TFDP2: variants seen among roughly 807,000 people sequenced by gnomAD.
TFDP2 encodes transcription factor Dp-2 (E2F dimerization partner 2).
TFDP2 carries 17 observed loss-of-function variants against 59.3 expected under a neutral mutation model. The observed-to-expected ratio is 0.29, with a 90% CI of 0.20 to 0.43. The LOEUF (loss-of-function observed/expected upper bound fraction) is 0.43, where lower values mean the gene tolerates loss of function less well. TFDP2 is among the 20% of genes least tolerant of loss of function. The pLI is 1.00. For synonymous variants in TFDP2, 180 were observed against 194.7 expected, an observed-to-expected ratio of 0.92 and a Z score of 0.63; for missense variants, 391 against 528.8, an observed-to-expected ratio of 0.74 and a Z score of 2.56.
At position 142,149,420 on chromosome 3, in the gene TFDP2, C is replaced by T; in HGVS notation, c.-330G>A. 2.6e-6 allele frequency: 1 copy of T among 384,042 alleles called. No homozygotes were observed. Among genetic ancestry groups the T allele is most frequent in the Non-Finnish European group, 4.6e-6 (1 of 217,078 alleles). 23.8% of individuals were successfully genotyped at this position (384,042 alleles called of 1,614,324 possible). A position where few individuals can be genotyped will look rare whatever the true frequency, so the allele number is the denominator to read the frequency against. ...AAAGATGAAGGGTCAGGGCGCGCCCCGCGGGCCGGGCAGCTGCGGCAGCGC... is the reference window on the plus strand; with the variant it reads ...AAAGATGAAGGGTCAGGGCGCGCCCTGCGGGCCGGGCAGCTGCGGCAGCGC... On this transcript the variant is annotated 5_prime_UTR_variant, in exon 1 of 13. Transcript: ENST00000489671.
rs1215518361 is a variant in TFDP2 at position 142,042,898 on chromosome 3, C to T, written c.83-37354G>A. On this transcript the variant is annotated intron_variant, in intron 3 of 12. Transcript: ENST00000489671. ...CGGATTACAAGCATGGGCCACCATGCCCGACTAATTTTTTTGTATTTTTAG... is the reference window on the plus strand; with the variant it reads ...CGGATTACAAGCATGGGCCACCATGTCCGACTAATTTTTTTGTATTTTTAG... 3.3e-5 allele frequency among the ~76,000 whole-genome samples: 5 copies of T among 150,928 alleles called. No homozygotes were observed. In the East Asian group the frequency reaches 9.8e-4, roughly 30 times the overall value.
intron 8 of TFDP2, among the ~76,000 whole-genome samples, chr3:141,973,123 A>ATATATTTTTTTTTTTTTT: frequency 3.4e-5 from 2 of 58,030 alleles, no homozygotes; most frequent in Non-Finnish European, 7.4e-5. Flanking sequence ...ATATATATAT[A>ATATATTTTTTTTTTTTTT]TTTTTTTTTT....
At chr3:142,005,335 G>T in intron 4 of TFDP2, 106 bp downstream of exon 4, 4 of 903,840 alleles carry the variant, frequency 4.4e-6, no homozygotes, top group African/African-American at 1.7e-5. Context: ...CACCTACCGC[G>T]CCTGGTTTAA....
At chr3:142,045,570 A>G (rs1008080326) in intron 3 of TFDP2, among the ~76,000 whole-genome samples, 2 of 151,112 alleles carry the variant, frequency 1.3e-5, no homozygotes, top group African/African-American at 4.9e-5. Flanking sequence ...AAAAAAGTTA[A>G]GTAAATTCTA....
At chr3:142,003,794 CTTATTA>C (rs11569191) in intron 4 of TFDP2, among the ~76,000 whole-genome samples, 8,882 of 152,216 alleles carry the variant, frequency 0.058, 328 homozygotes, top group Non-Finnish European at 0.079. Context: ...CACATCACTA[CTTATTA>C]TTAACAGAAC....
At chr3:142,017,920 T>C (rs923781887) in intron 3 of TFDP2, among the ~76,000 whole-genome samples, 1 of 151,898 alleles carries the variant, frequency 6.6e-6, no homozygotes, top group African/African-American at 2.4e-5. Flanking sequence ...TATCTGTAGA[T>C]GTAGTGTTGC....
chr3:142,018,482 A>T (rs966360435), intron 3 of TFDP2, among the ~76,000 whole-genome samples: 1 of 151,802 alleles, frequency 6.6e-6, no homozygotes, highest in Non-Finnish European at 1.5e-5. Flanking sequence ...ATTTTTTTAG[A>T]GACGGGGTTT....
chr3:142,051,802 C>G (rs1397723828), intron 3 of TFDP2, among the ~76,000 whole-genome samples: 1 of 152,080 alleles, frequency 6.6e-6, no homozygotes, highest in Admixed American at 6.5e-5. Context: ...TAAACCTTTC[C>G]TCTCATTCCA....
At chr3:142,114,352 G>A (rs892852920) in intron 1 of TFDP2, among the ~76,000 whole-genome samples, 1 of 151,950 alleles carries the variant, frequency 6.6e-6, no homozygotes, top group Non-Finnish European at 1.5e-5. Context: ...GTAATTTAAG[G>A]TTTTAAAAAA....
In TFDP2 at chr3:141,995,080, G is replaced by T. The variant is rs1037951147; in HGVS notation, c.248C>A (p.Thr83Asn). 2 of 1,611,304 alleles carry T rather than the reference G, an allele frequency of 1.2e-6. No individual in the cohort carries two copies. Among genetic ancestry groups the T allele is most frequent in the African/African-American group, 2.7e-5 (2 of 74,826 alleles). Residue 83 changes from threonine (T) to asparagine (N), a missense_variant, in exon 5 of 13, where the codon ACC becomes AAC. Physicochemically the swap from Thr to Asn is moderately conservative, Grantham distance 65 (BLOSUM62 0). Around this residue, in one of 3 missense-constraint regions of TFDP2, gnomAD observed 162 missense variants for 206.8 expected, o/e 0.78. Transcript: ENST00000489671. ...CTGAGTAACCATTGCTGGTGCAGGG[G>T]TATATGGACTCCCAATCAGAACACT... ...SGSVLIGSPY[T>N]PAPAMVTQTH... is the part of the protein sequence containing the mutation.
intron 3 of TFDP2, among the ~76,000 whole-genome samples, chr3:142,074,923 C>T (rs529534486): frequency 1.2e-4 from 19 of 152,166 alleles, no homozygotes; most frequent in African/African-American, 2.4e-4. Context: ...ATCACAAATA[C>T]AATCCACTGA....
At chr3:142,084,087 A>G (rs2060729182) in intron 3 of TFDP2, among the ~76,000 whole-genome samples, 1 of 152,200 alleles carries the variant, frequency 6.6e-6, no homozygotes, top group Non-Finnish European at 1.5e-5. Flanking sequence ...GGGAGAAAAC[A>G]TCCGCAAACT....
At chr3:142,105,533 C>G (rs2061443585) in intron 1 of TFDP2, among the ~76,000 whole-genome samples, 1 of 152,136 alleles carries the variant, frequency 6.6e-6, no homozygotes, top group African/African-American at 2.4e-5. Flanking sequence ...GGCATCTGCT[C>G]CATTTCTGAA....
chr3:141,958,514 T>C (rs1936967947), intron 11 of TFDP2, among the ~76,000 whole-genome samples: 1 of 152,000 alleles, frequency 6.6e-6, no homozygotes, highest in African/African-American at 2.4e-5. Flanking sequence ...GACAATGAAA[T>C]GTAAGAGAAT....
intron 7 of TFDP2, among the ~76,000 whole-genome samples, chr3:141,978,152 C>T (rs1331410583): frequency 6.6e-6 from 1 of 151,758 alleles, no homozygotes; most frequent in East Asian, 2.0e-4. Context: ...TGAGACCAGC[C>T]TGGCCAACAT....
In TFDP2 at chr3:142,005,360, C is replaced by G; in HGVS notation, c.186+81G>C. On this transcript the variant is annotated intron_variant, in intron 4 of 12. Transcript: ENST00000489671. ...GCCTGGTTTAACTGGAATATCTGAT[C>G]AAATATATTTAATGCAATTATTCTT... is the stretch of plus-strand genomic sequence containing the variant. The G allele has an allele frequency of 2.5e-6, 3 of 1,194,048 alleles. No homozygotes were observed. In the Admixed American group the frequency reaches 6.1e-5, roughly 24 times the overall value. The allele number at this position is 1,194,048 out of a possible 1,614,324, so 74.0% of individuals were successfully genotyped here. A position where few individuals can be genotyped will look rare whatever the true frequency, so the allele number is the denominator to read the frequency against.
intron 3 of TFDP2, among the ~76,000 whole-genome samples, chr3:142,032,370 C>T (rs954967749): frequency 1.3e-5 from 2 of 152,086 alleles, no homozygotes; most frequent in East Asian, 3.8e-4. Flanking sequence ...GCTGGGATTA[C>T]GAGTGTGAGC....
intron 5 of TFDP2, chr3:141,994,471 T>C (rs11569204): frequency 2.6e-4 from 39 of 152,274 alleles, no homozygotes; most frequent in African/African-American, 8.7e-4. Context: ...TGGAGAAAGG[T>C]ATAAGTATTT....
chr3:142,067,923 G>A (rs2060123979), intron 3 of TFDP2, among the ~76,000 whole-genome samples: 1 of 151,226 alleles, frequency 6.6e-6, no homozygotes, highest in African/African-American at 2.4e-5. Context: ...GAGATTACCT[G>A]AGCCCAGGAG....
Sources: allele counts gnomAD v4.1 joint callset (sites outside exome capture counted in the v4.1 genomes callset), GRCh38; gene constraint gnomAD v4.1.1; regional missense constraint gnomAD v4.1.1; transcripts MANE v1.5; gene names NCBI Gene and HGNC (gene_info 2026-07-23, HGNC 2026-07-21).